Variants in CSE1L observed in about 807,000 individuals in gnomAD.
The protein encoded by CSE1L is chromosome segregation 1 like.
CSE1L carries 24 observed loss-of-function variants against 120.4 expected under a neutral mutation model. The ratio of observed to expected loss-of-function variants is 0.20; its 90% CI spans 0.14 to 0.28. The LOEUF (loss-of-function observed/expected upper bound fraction) is 0.28. Ranked by LOEUF, CSE1L falls within the 10% of genes least tolerant of loss-of-function variation. CSE1L has a pLI of 1.00. For synonymous variants in CSE1L, 402 were observed against 398.3 expected (o/e 1.01, Z -0.11); for missense variants, 830 against 1,145.2 (o/e 0.72, Z 3.97).
rs1261311260 is a variant in CSE1L at position 49,058,460 on chromosome 20, A to G, written c.-4A>G. 6 of 1,608,674 alleles carry G rather than the reference A, an allele frequency of 3.7e-6. No homozygotes were observed. The highest frequency in any genetic ancestry group is 5.1e-6 in the Non-Finnish European group (6 of 1,176,046). On this transcript the variant is annotated 5_prime_UTR_variant, in exon 2 of 25. It adds an upstream start codon to the 5' untranslated region. Coordinates refer to ENST00000262982, the MANE Select transcript of CSE1L (RefSeq NM_001316.4). ...CCTTATTTTATATTTTAGATCCTAT[A>G]GCAATGGAACTCAGCGATGCAAATC...
At chr20:49,067,056 A>AAAAG (rs2091898297) in intron 5 of CSE1L, 134 bp from the exon 6 acceptor site, 1 of 468,454 alleles carries the variant, frequency 2.1e-6, no homozygotes, top group African/African-American at 2.1e-5. Flanking sequence ...AAAAAAAAAA[A>AAAAG]GAATTCCCTT....
At chr20:49,077,861 G>C (rs1014556151) in intron 13 of CSE1L, among the ~76,000 whole-genome samples, 1 of 152,084 alleles carries the variant, frequency 6.6e-6, no homozygotes, top group African/African-American at 2.4e-5. Flanking sequence ...AAAACTAGCC[G>C]GGCGTGGTGG....
Position 49,063,298 on chromosome 20 carries a change from G to C in CSE1L, c.182G>C (p.Cys61Ser), listed in dbSNP as rs1317444776. 8.3e-6 allele frequency: 13 copies of C among 1,557,842 alleles called. No homozygotes were observed. The highest frequency in any genetic ancestry group is 1.0e-5 in the Non-Finnish European group (12 of 1,146,218). Residue 61 changes from cysteine to serine, a missense_variant, in exon 3 of 25, where the codon TGT becomes TCT. Cys to Ser is a moderately radical substitution (Grantham distance 112). Around this residue, in one of 4 missense-constraint regions of CSE1L, gnomAD observed 543 missense variants for 640.2 expected, o/e 0.85. Transcript: ENST00000262982. ...EKSQDNVIKV[C>S]ASVTFKNYIK... Reference sequence around the variant, plus strand: ...TCCCAGGATAATGTTATCAAAGTATGTGCTTCAGTAACATTCAAAAACTAT... The same window carrying C: ...TCCCAGGATAATGTTATCAAAGTATCTGCTTCAGTAACATTCAAAAACTAT...
intron 10 of CSE1L, among the ~76,000 whole-genome samples, chr20:49,073,467 A>G (rs2091946828): frequency 6.6e-6 from 1 of 152,068 alleles, no homozygotes; most frequent in Non-Finnish European, 1.5e-5. Context: ...GTGAAGAACA[A>G]GTAATGAAGG....
At chr20:49,089,201 A>G in intron 17 of CSE1L, 46 bp from the exon 18 acceptor site, 5 of 1,440,070 alleles carry the variant, frequency 3.5e-6, no homozygotes, top group Non-Finnish European at 4.7e-6. Context: ...TATAAAGGTT[A>G]GGTGTGGATT....
At chr20:49,094,336 T>A in intron 23 of CSE1L, 50 bp downstream of exon 23, 4 of 1,549,964 alleles carry the variant, frequency 2.6e-6, no homozygotes, top group Non-Finnish European at 3.5e-6. Flanking sequence ...CCTTCCCATA[T>A]GACTGCAAAA....
At chr20:49,094,368 G>A in intron 23 of CSE1L, 82 bp downstream of exon 23, 1 of 1,340,960 alleles carries the variant, frequency 7.5e-7, no homozygotes, top group Non-Finnish European at 1.0e-6. Context: ...TATTCTCTTG[G>A]GGGCCAAGAG....
At chr20:49,095,709 G>A (rs577012451) in intron 24 of CSE1L, among the ~76,000 whole-genome samples, 9 of 152,118 alleles carry the variant, frequency 5.9e-5, no homozygotes, top group African/African-American at 2.2e-4. Flanking sequence ...TTATTATAGA[G>A]TTCTTACATG....
intron 22 of CSE1L, among the ~76,000 whole-genome samples, chr20:49,093,140 G>C (rs1035426665): frequency 1.3e-5 from 2 of 152,178 alleles, no homozygotes; most frequent in Admixed American, 6.5e-5. Context: ...ACTAAAAAAT[G>C]AATTACTCTG....
intron 1 of CSE1L, among the ~76,000 whole-genome samples, chr20:49,048,113 A>G (rs957730282): frequency 6.8e-6 from 1 of 146,626 alleles, no homozygotes; most frequent in Non-Finnish European, 1.5e-5. Flanking sequence ...CCACATAGTC[A>G]TATCTTTGGC....
chr20:49,089,518 GTT>G lies in CSE1L; in HGVS notation c.1973-16_1973-15del. The G allele has an allele frequency of 6.2e-7, 1 of 1,613,324 alleles. No individual in the cohort carries two copies. The highest frequency in any genetic ancestry group is 1.6e-4 in the Middle Eastern group (1 of 6,062). ...CATTCCTTCTGAAGCTCACAGCTCTGTTTTTACTTTTATCAACAGAATTTATT... is the reference window on the plus strand; with the variant it reads ...CATTCCTTCTGAAGCTCACAGCTCTGTTTACTTTTATCAACAGAATTTATT... On this transcript the variant is annotated intron_variant, in intron 18 of 24. Coordinates refer to ENST00000262982, the MANE Select transcript of CSE1L (RefSeq NM_001316.4).
intron 22 of CSE1L, 56 bp downstream of exon 22, chr20:49,092,183 G>A (rs2092106751): frequency 3.5e-6 from 3 of 865,268 alleles, no homozygotes; most frequent in East Asian, 2.6e-5. Flanking sequence ...TTTTTTTTTA[G>A]TACAAATCAG....
intron 23 of CSE1L, 30 bp from the exon 24 acceptor site, chr20:49,094,702 C>A: frequency 1.3e-6 from 2 of 1,504,460 alleles, no homozygotes; most frequent in Non-Finnish European, 1.8e-6. Flanking sequence ...TTTTCTTGAC[C>A]TTTTTATCTC....
intron 1 of CSE1L, among the ~76,000 whole-genome samples, chr20:49,049,737 G>C (rs1464588283): frequency 1.3e-5 from 2 of 152,152 alleles, no homozygotes; most frequent in Admixed American, 1.3e-4. Flanking sequence ...ATATAAAAAG[G>C]ATTTGTTGAC....
chr20:49,064,921 C>T (rs2091879217), intron 3 of CSE1L, among the ~76,000 whole-genome samples: 1 of 151,016 alleles, frequency 6.6e-6, no homozygotes, highest in Admixed American at 6.6e-5. Context: ...TTAGGAGGCT[C>T]AGATGGGAGG....
chr20:49,066,458 G>C lies in CSE1L; in HGVS notation c.424G>C (p.Asp142His). The stretch of plus-strand genomic sequence containing the variant: ...AATGGTGAATCGCTTTCAGAGTGGA[G>C]ATTTCCATGTTATTAATGGAGTCCT... ...TEMVNRFQSGDFHVINGVLRT... is the reference protein window; with the variant it reads ...TEMVNRFQSGHFHVINGVLRT... The change falls in exon 5 of 25, where the codon GAT becomes CAT. Residue 142 changes from aspartate (D) to histidine (H), a missense_variant. By Grantham distance (81) the Asp-to-His change is moderately conservative. Around this residue, in one of 4 missense-constraint regions of CSE1L, gnomAD observed 543 missense variants for 640.2 expected, o/e 0.85. Transcript: ENST00000262982. 1 of 1,614,144 alleles carries C rather than the reference G, an allele frequency of 6.2e-7. No individual in the cohort carries two copies. Among genetic ancestry groups the C allele is most frequent in the Non-Finnish European group, 8.5e-7 (1 of 1,179,980 alleles).
Position 49,067,928 on chromosome 20 carries a change from C to CTTTT in CSE1L, c.567+670_567+673dup, listed in dbSNP as rs10567768. Among the ~76,000 whole-genome samples the CTTTT allele has an allele frequency of 3.8e-3, 295 of 78,478 alleles. 1 individual carries two copies. The highest frequency in any genetic ancestry group is 9.4e-3 in the Middle Eastern group (1 of 106). The allele number at this position is 78,478 out of a possible 152,430, so 51.5% of individuals were successfully genotyped here. A position where few individuals can be genotyped will look rare whatever the true frequency, so the allele number is the denominator to read the frequency against. On this transcript the variant is annotated intron_variant, in intron 6 of 24. Transcript: ENST00000262982. ...TTTTTCTCTTTTTTTTTCCCTCTCT[C>CTTTT]TTTTTTTTTTTTTTTTTTTTTTTTT...
intron 1 of CSE1L, among the ~76,000 whole-genome samples, chr20:49,054,479 G>A (rs555983627): frequency 6.6e-6 from 1 of 152,168 alleles, no homozygotes; most frequent in African/African-American, 2.4e-5. Context: ...GCAGCCTTGG[G>A]TAATAGAAAG....
intron 3 of CSE1L, among the ~76,000 whole-genome samples, chr20:49,064,428 G>C (rs141420155): frequency 1.0e-3 from 153 of 152,342 alleles, no homozygotes; most frequent in African/African-American, 3.4e-3. Context: ...AAATCTTAGA[G>C]GCCGGGCTTG....
Sources: gnomAD v4.1 joint callset for allele counts (sites outside exome capture counted in the v4.1 genomes callset) on GRCh38, gnomAD v4.1.1 for gene constraint, gnomAD v4.1.1 regional missense constraint, MANE v1.5 for transcripts, NCBI Gene and HGNC (gene_info 2026-07-23, HGNC 2026-07-21) for gene names.